Variants in ADAMTS17 observed in about 807,000 individuals in gnomAD.
ADAMTS17 encodes the protein A disintegrin and metalloproteinase with thrombospondin motifs 17.
In ADAMTS17, 113 loss-of-function variants were observed where a neutral mutation model predicts 141.5. The ratio of observed to expected loss-of-function variants is 0.80; its 90% CI spans 0.69 to 0.93. The LOEUF (loss-of-function observed/expected upper bound fraction) is 0.93, where lower values mean the gene tolerates loss of function less well. Among genes scored for constraint, ADAMTS17 ranks in the 40% least tolerant of loss-of-function variants. The pLI is 0.00. For synonymous variants in ADAMTS17, 768 were observed against 630.6 expected (o/e 1.22, Z -3.27); for missense variants, 1,659 against 1,517.9 (o/e 1.09, Z -1.54).
intron 18 of ADAMTS17, among the ~76,000 whole-genome samples, chr15:100,042,103 C>T (rs1160717394): frequency 6.6e-6 from 1 of 152,188 alleles, no homozygotes; most frequent in Non-Finnish European, 1.5e-5. Flanking sequence ...GTAATCCAGA[C>T]CCTCCACATC....
chr15:100,193,114 C>A (rs58583934), intron 8 of ADAMTS17, among the ~76,000 whole-genome samples: 1 of 152,270 alleles, frequency 6.6e-6, no homozygotes, highest in East Asian at 1.9e-4. Flanking sequence ...GGCAGCCCCA[C>A]CTGCCCTCTG....
intron 7 of ADAMTS17, among the ~76,000 whole-genome samples, chr15:100,234,408 G>A (rs1468409485): frequency 6.6e-6 from 1 of 152,200 alleles, no homozygotes; most frequent in Non-Finnish European, 1.5e-5. Context: ...GAAGATGAAG[G>A]ATACGGGCCC....
intron 7 of ADAMTS17, among the ~76,000 whole-genome samples, chr15:100,219,646 C>T (rs1296311924): frequency 6.6e-6 from 1 of 152,176 alleles, no homozygotes; most frequent in African/African-American, 2.4e-5. Flanking sequence ...TTCTAGTTGG[C>T]TCACTCAAAG....
At chr15:100,038,767 C>A (rs2030986279) in intron 18 of ADAMTS17, among the ~76,000 whole-genome samples, 1 of 152,162 alleles carries the variant, frequency 6.6e-6, no homozygotes, top group Non-Finnish European at 1.5e-5. Context: ...TAAATACAGA[C>A]AGTTTTACTT....
intron 3 of ADAMTS17, among the ~76,000 whole-genome samples, chr15:100,287,778 G>C (rs1015074987): frequency 1.4e-4 from 22 of 152,210 alleles, no homozygotes; most frequent in African/African-American, 4.8e-4. Context: ...ATACGTGAAA[G>C]AGAAATAAGA....
intron 18 of ADAMTS17, among the ~76,000 whole-genome samples, chr15:100,021,801 C>T (rs546501716): frequency 1.3e-5 from 2 of 152,230 alleles, no homozygotes; most frequent in South Asian, 2.1e-4. Flanking sequence ...CACATGTGCT[C>T]CTCCCTCCCA....
At position 100,142,632 on chromosome 15, in the gene ADAMTS17, G is replaced by T. The variant is rs146713362; in HGVS notation, c.1474-9317C>A. 1.3e-3 allele frequency among the ~76,000 whole-genome samples: 194 copies of T among 152,314 alleles called. 1 individual carries two copies. The highest frequency in any genetic ancestry group is 4.5e-3 in the African/African-American group (189 of 41,566). ...CCCATTTTGCAGATGAGAAGACTGA[G>T]ACATAGTGAGACTAGGCAACCTGTT... On this transcript the variant is annotated intron_variant, in intron 10 of 21. Coordinates refer to ENST00000268070, the MANE Select transcript of ADAMTS17 (RefSeq NM_139057.4).
intron 20 of ADAMTS17, among the ~76,000 whole-genome samples, chr15:99,988,634 G>A (rs2060635747): frequency 6.6e-6 from 1 of 152,182 alleles, no homozygotes; most frequent in African/African-American, 2.4e-5. Flanking sequence ...GGCAAAAGTG[G>A]GCACAGTGAC....
intron 8 of ADAMTS17, among the ~76,000 whole-genome samples, chr15:100,180,082 C>T (rs1398091019): frequency 6.6e-6 from 1 of 152,196 alleles, no homozygotes; most frequent in Non-Finnish European, 1.5e-5. Flanking sequence ...TGTGGGGTAT[C>T]ACTCAAGAAA....
intron 8 of ADAMTS17, among the ~76,000 whole-genome samples, chr15:100,178,124 C>G (rs1335288906): frequency 6.6e-6 from 1 of 152,094 alleles, no homozygotes; most frequent in African/African-American, 2.4e-5. Context: ...ATCCATTCTG[C>G]CAGTGTTTGT....
At chr15:100,286,686 G>A (rs1393400738) in intron 3 of ADAMTS17, among the ~76,000 whole-genome samples, 1 of 152,098 alleles carries the variant, frequency 6.6e-6, no homozygotes, top group Non-Finnish European at 1.5e-5. Flanking sequence ...ACTTCAAAGA[G>A]TAAAGGAACA....
At chr15:100,068,381 T>G (rs1445268358) in intron 15 of ADAMTS17, among the ~76,000 whole-genome samples, 2 of 152,164 alleles carry the variant, frequency 1.3e-5, no homozygotes, top group Admixed American at 1.3e-4. Context: ...AAATGTCCCT[T>G]TCTGACAGCC....
At chr15:100,070,593 CA>C (rs1420335492) in intron 15 of ADAMTS17, among the ~76,000 whole-genome samples, 1 of 149,966 alleles carries the variant, frequency 6.7e-6, no homozygotes, top group Non-Finnish European at 1.5e-5. Context: ...GAAACTCACT[CA>C]AAACTGCTCA....
intron 13 of ADAMTS17, among the ~76,000 whole-genome samples, 163 bp from the exon 14 acceptor site, chr15:100,109,279 C>A (rs934771922): frequency 1.6e-5 from 1 of 61,762 alleles, no homozygotes; most frequent in African/African-American, 6.1e-5. Flanking sequence ...GGAAAAAGAC[C>A]CACAGCCACA....
chr15:100,104,636 G>A (rs184280336), intron 14 of ADAMTS17, among the ~76,000 whole-genome samples: 4 of 152,268 alleles, frequency 2.6e-5, no homozygotes, highest in Non-Finnish European at 4.4e-5. Flanking sequence ...ACGCTAGTAG[G>A]CAAACCACGG....
At chr15:100,032,430 C>G in intron 18 of ADAMTS17, among the ~76,000 whole-genome samples, 1 of 152,192 alleles carries the variant, frequency 6.6e-6, no homozygotes, top group South Asian at 2.1e-4. Context: ...ACACTAACAA[C>G]AAGCCAGAAA....
chr15:100,081,836 A>G (rs1278056012), intron 15 of ADAMTS17, among the ~76,000 whole-genome samples: 2 of 152,190 alleles, frequency 1.3e-5, no homozygotes, highest in African/African-American at 2.4e-5. Flanking sequence ...AGCGTCCTAT[A>G]CACTTATTGA....
chr15:100,136,522 A>G (rs181660013), intron 10 of ADAMTS17, among the ~76,000 whole-genome samples: 2 of 152,310 alleles, frequency 1.3e-5, no homozygotes, highest in East Asian at 3.9e-4. Flanking sequence ...CATTCATGTC[A>G]TGCATTGCAA....
intron 15 of ADAMTS17, among the ~76,000 whole-genome samples, chr15:100,091,010 C>CCAAAAAAAA (rs2035428395): frequency 1.8e-5 from 1 of 54,596 alleles, no homozygotes; most frequent in African/African-American, 7.1e-5. Context: ...TCCGTCTCAA[C>CCAAAAAAAA]AAAAAAAAAA....
Sources: allele counts gnomAD v4.1 joint callset (sites outside exome capture counted in the v4.1 genomes callset), GRCh38; gene constraint gnomAD v4.1.1; transcripts MANE v1.5; gene names NCBI Gene and HGNC (gene_info 2026-07-23, HGNC 2026-07-21).